Variants in SLC44A4 observed in about 807,000 individuals in gnomAD.
SLC44A4 encodes the protein choline transporter-like protein 4.
A neutral mutation model predicts 97.0 loss-of-function variants in SLC44A4; 74 were observed. That is an observed-to-expected ratio of 0.76 (90% CI 0.63 to 0.93). The LOEUF (loss-of-function observed/expected upper bound fraction) is 0.93, where lower values mean the gene tolerates loss of function less well. SLC44A4 is among the 40% of genes least tolerant of loss of function. The pLI, the probability that SLC44A4 is intolerant of heterozygous loss-of-function variation, is 0.00. For missense variants in SLC44A4, 799 were observed against 902.9 expected (o/e 0.88, Z 1.48); for synonymous variants, 325 against 363.8 (o/e 0.89, Z 1.21).
At chr6:31,872,487 CA>C (rs1318893135) in intron 7 of SLC44A4, among the ~76,000 whole-genome samples, 1 of 152,192 alleles carries the variant, frequency 6.6e-6, no homozygotes, top group African/African-American at 2.4e-5. Context: ...CCTCCCACCT[CA>C]GCCCCCCAAA....
rs747098795 is a variant in SLC44A4, at chr6:31,874,426, G to C, written c.529+34C>G. 105 of 1,607,428 alleles carry C rather than the reference G, an allele frequency of 6.5e-5. No individual in the cohort carries two copies. The highest frequency in any genetic ancestry group is 8.7e-5 in the Non-Finnish European group (102 of 1,175,036). Reference sequence around the variant, plus strand: ...TTCAAGCAATGAAAACACTGGACTAGATGACGTCTGAGGAAGGAATCTGTG... The same window carrying C: ...TTCAAGCAATGAAAACACTGGACTACATGACGTCTGAGGAAGGAATCTGTG... On this transcript the variant is annotated intron_variant, in intron 7 of 20. Transcript: ENST00000229729. This position sits in a 1 kb window ranked among gnomAD's most constrained non-coding sequence, Gnocchi z 4.8.
rs1398763660 is a variant in SLC44A4 at position 31,863,550 on chromosome 6, G to A, written c.*77C>T. The A allele has an allele frequency of 1.3e-6, 2 of 1,528,864 alleles. No homozygotes were observed. Among genetic ancestry groups the A allele is most frequent in the African/African-American group, 2.8e-5 (2 of 70,460 alleles). The allele number at this position is 1,528,864 out of a possible 1,614,324, so 94.7% of individuals were successfully genotyped here. On this transcript the variant is annotated 3_prime_UTR_variant, in exon 21 of 21. Transcript: ENST00000229729. ...TAAAACCTTTTTTTACCACAAAATG[G>A]AGACCTGTAAGGCGAAGTGAGGTTG...
At chr6:31,871,252 G>C (rs1473467727) in intron 9 of SLC44A4, 62 bp downstream of exon 9, 2 of 1,506,864 alleles carry the variant, frequency 1.3e-6, no homozygotes, top group East Asian at 2.3e-5. Flanking sequence ...ATTGGGCGAG[G>C]GGGTAGAGGA....
intron 11 of SLC44A4, among the ~76,000 whole-genome samples, chr6:31,869,860 C>T (rs1763061516): frequency 6.6e-6 from 1 of 152,184 alleles, no homozygotes; most frequent in Non-Finnish European, 1.5e-5. Context: ...TGGCGGGCGC[C>T]TGTAGTGCCA....
Position 31,870,988 on chromosome 6 carries a change from GCCA to G in SLC44A4, c.758_760del (p.Val253del). Reference sequence around the variant, plus strand: ...GATCAGCACCAGCACCAGGGGCCCAGCCACCAGGCGCAGAAGCAAGATAAACAG... The same window carrying G: ...GATCAGCACCAGCACCAGGGGCCCAGCCAGGCGCAGAAGCAAGATAAACAG... On this transcript the variant is annotated inframe_deletion, in exon 10 of 21. Coordinates refer to ENST00000229729, the MANE Select transcript of SLC44A4 (RefSeq NM_025257.3). The G allele has an allele frequency of 6.2e-7, 1 of 1,612,828 alleles. No homozygotes were observed. The highest frequency in any genetic ancestry group is 8.5e-7 in the Non-Finnish European group (1 of 1,179,964).
intron 7 of SLC44A4, among the ~76,000 whole-genome samples, chr6:31,871,799 T>C (rs1435907443): frequency 6.6e-6 from 1 of 152,038 alleles, no homozygotes; most frequent in Non-Finnish European, 1.5e-5. Flanking sequence ...CCTCAACTCT[T>C]AGAACACCCT....
chr6:31,874,366 A>G lies in SLC44A4; in HGVS notation c.529+94T>C. 7.2e-7 allele frequency: 1 copy of G among 1,393,992 alleles called. No homozygotes were observed. Among genetic ancestry groups the G allele is most frequent in the Non-Finnish European group, 1.0e-6 (1 of 989,002 alleles). The allele number at this position is 1,393,992 out of a possible 1,614,324, so 86.4% of individuals were successfully genotyped here. ...ATTCCAATTTTGCCACCAACAAGCT[A>G]TGTGACTTCACTCTCTCTGGGCCTG... On this transcript the variant is annotated intron_variant, in intron 7 of 20. Coordinates refer to ENST00000229729, the MANE Select transcript of SLC44A4 (RefSeq NM_025257.3). This position sits in a 1 kb window ranked among gnomAD's most constrained non-coding sequence, Gnocchi z 4.8.
At chr6:31,871,453 G>A in intron 8 of SLC44A4, 21 bp downstream of exon 8, 2 of 1,613,710 alleles carry the variant, frequency 1.2e-6, no homozygotes, top group South Asian at 1.1e-5. Context: ...TGGCCAGGAT[G>A]TGGGGGAGGG....
Position 31,874,488 on chromosome 6 carries a change from G to T in SLC44A4, c.501C>A (p.Cys167Ter), listed in dbSNP as rs1763334730. 1 of 1,612,926 alleles carries T rather than the reference G, an allele frequency of 6.2e-7. No homozygotes were observed. Among genetic ancestry groups the T allele is most frequent in the Non-Finnish European group, 8.5e-7 (1 of 1,180,032 alleles). ...TVITSLQQEL[C>*]PSFLLPSAPA... ...GAGCAGAGGGGAGGAGGAAACTGGG[G>T]CAGAGTTCCTGTTGCAGGCTTGTGA... Residue 167 changes from cysteine (C) to a stop codon, truncating the protein, a stop_gained, in exon 7 of 21, where the codon TGC becomes TGA. Coordinates refer to ENST00000229729, the MANE Select transcript of SLC44A4 (RefSeq NM_025257.3). LOFTEE classifies it high-confidence loss of function. This position sits in a 1 kb window ranked among gnomAD's most constrained non-coding sequence, Gnocchi z 4.8.
rs757363607 is a variant in SLC44A4, at chr6:31,865,475, G to T, written c.1686+23C>A. ...CTAGACCAAAGGGCACCAGAACAAA[G>T]GGTTGCTTGCAGTGTAGCTCACCAT... On this transcript the variant is annotated intron_variant, in intron 16 of 20. Transcript: ENST00000229729. The surrounding 1 kb of genome is among the most constrained non-coding windows in gnomAD (Gnocchi z 5.2). The T allele has an allele frequency of 6.2e-7, 1 of 1,612,558 alleles. No homozygotes were observed. The highest frequency in any genetic ancestry group is 8.5e-7 in the Non-Finnish European group (1 of 1,178,590).
At position 31,865,642 on chromosome 6, in the gene SLC44A4, C is replaced by CT. The variant is rs1762817083; in HGVS notation, c.1583-42dup. On this transcript the variant is annotated intron_variant, in intron 15 of 20. Transcript: ENST00000229729. This position sits in a 1 kb window ranked among gnomAD's most constrained non-coding sequence, Gnocchi z 5.2. ...GCTCATGTTTGGTCACTGCCCCTCC[C>CT]TAATGGCCTTCCCCAGCTCCTGACT... 1.2e-6 allele frequency: 2 copies of CT among 1,611,760 alleles called. No homozygotes were observed. Among genetic ancestry groups the CT allele is most frequent in the African/African-American group, 2.7e-5 (2 of 74,914 alleles).
chr6:31,875,061 C>T, intron 4 of SLC44A4, 33 bp from the exon 5 acceptor site: 2 of 1,563,524 alleles, frequency 1.3e-6, no homozygotes, highest in Non-Finnish European at 8.8e-7. Context: ...TGCATCAGGG[C>T]CTGGTCAGGT....
At position 31,871,350 on chromosome 6, in the gene SLC44A4, A is replaced by C; in HGVS notation, c.665T>G (p.Phe222Cys). 1.2e-6 allele frequency: 2 copies of C among 1,614,174 alleles called. No homozygotes were observed. Among genetic ancestry groups the C allele is most frequent in the Non-Finnish European group, 1.7e-6 (2 of 1,180,014 alleles). Residue 222 changes from phenylalanine (F) to cysteine (C), a missense_variant, in exon 9 of 21, where the codon TTT (phenylalanine) becomes TGT (cysteine). Physicochemically the swap from Phe to Cys is radical, Grantham distance 205 (BLOSUM62 -2). This residue lies in a region of SLC44A4 where 409 missense variants were observed against 434.1 expected (regional missense o/e 0.94). Transcript: ENST00000229729. ...LNARDISVKIFEDFAQSWYWI... is the reference protein window; with the variant it reads ...LNARDISVKICEDFAQSWYWI... ...ATACCAGGACTGGGCAAAATCTTCAAAGATCTTAACACTGATGTCTCGGGC... is the reference window on the plus strand; with the variant it reads ...ATACCAGGACTGGGCAAAATCTTCACAGATCTTAACACTGATGTCTCGGGC...
intron 7 of SLC44A4, among the ~76,000 whole-genome samples, chr6:31,872,267 G>C (rs1050466501): frequency 6.6e-6 from 1 of 152,072 alleles, no homozygotes. Flanking sequence ...TCAAGGTCTT[G>C]CTCTGTCACC....
In SLC44A4 at chr6:31,870,595, G is replaced by C. The variant is rs1221518990; in HGVS notation, c.1037+8C>G. 1.3e-6 allele frequency: 2 copies of C among 1,586,794 alleles called. No homozygotes were observed. The highest frequency in any genetic ancestry group is 4.6e-5 in the East Asian group (2 of 43,028). Reference sequence around the variant, plus strand: ...TCAACCCCATCTCCCTCCCAGGCAGGCCCTAACTTGCTGGCCTCCTTCAGG... The same window carrying C: ...TCAACCCCATCTCCCTCCCAGGCAGCCCCTAACTTGCTGGCCTCCTTCAGG... On this transcript the variant is annotated splice_region_variant and intron_variant, in intron 11 of 20. Transcript: ENST00000229729.
In SLC44A4 at chr6:31,877,751, G is replaced by T; in HGVS notation, c.41-669C>A. 1 of 375,092 alleles carries T rather than the reference G, an allele frequency of 2.7e-6. No individual in the cohort carries two copies. The highest frequency in any genetic ancestry group is 3.7e-6 in the Non-Finnish European group (1 of 272,244). 23.2% of individuals were successfully genotyped at this position (375,092 alleles called of 1,614,324 possible). A position where few individuals can be genotyped will look rare whatever the true frequency, so the allele number is the denominator to read the frequency against. On this transcript the variant is annotated intron_variant, in intron 1 of 20. Transcript: ENST00000229729. The surrounding 1 kb of genome is among the most constrained non-coding windows in gnomAD (Gnocchi z 6.5). ...GCCCAGCCATAGAGATTGCAGGCAC[G>T]TTGAGTTCCTGGTCCTCCCTGAGTA... is the stretch of plus-strand genomic sequence containing the variant.
chr6:31,866,106 C>G lies in SLC44A4; in HGVS notation c.1254G>C (p.Ser418=). ...GGAAGACGCACATCAGCCCTGGGCACGAGGAGTTCACAAGGTGGGCCTGGG... is the reference window on the plus strand; with the variant it reads ...GGAAGACGCACATCAGCCCTGGGCAGGAGGAGTTCACAAGGTGGGCCTGGG... ...CNPTAHLVNS[S]CPGLMCVFQG... Residue 418 remains serine (S), a synonymous_variant, in exon 14 of 21, where the codon TCG becomes TCC. Coordinates refer to ENST00000229729, the MANE Select transcript of SLC44A4 (RefSeq NM_025257.3). 6.2e-7 allele frequency: 1 copy of G among 1,613,964 alleles called. No individual in the cohort carries two copies. Among genetic ancestry groups the G allele is most frequent in the Non-Finnish European group, 8.5e-7 (1 of 1,179,964 alleles).
At chr6:31,872,677 C>T (rs897820495) in intron 7 of SLC44A4, among the ~76,000 whole-genome samples, 2 of 151,996 alleles carry the variant, frequency 1.3e-5, no homozygotes, top group African/African-American at 2.4e-5. Flanking sequence ...GGACTACAGG[C>T]ATGAGCCACT....
Position 31,874,587 on chromosome 6 carries a change from A to G in SLC44A4, c.469-67T>C. 6.3e-6 allele frequency: 10 copies of G among 1,582,564 alleles called. No individual in the cohort carries two copies. The South Asian group carries it at 1.2e-4, about 19-fold the overall frequency. On this transcript the variant is annotated intron_variant, in intron 6 of 20. Transcript: ENST00000229729. This position sits in a 1 kb window ranked among gnomAD's most constrained non-coding sequence, Gnocchi z 4.8. ...GGATGAAGAAGCAGGTCCCCTCACC[A>G]CCACCATGGGGCTCAGCCTGTCCCA...
Sources: allele counts gnomAD v4.1 joint callset (sites outside exome capture counted in the v4.1 genomes callset), GRCh38; gene constraint gnomAD v4.1.1; regional missense constraint gnomAD v4.1.1; non-coding constraint Gnocchi (gnomAD v3.1); transcripts MANE v1.5; gene names NCBI Gene and HGNC (gene_info 2026-07-23, HGNC 2026-07-21).